AKAP9: variants seen among roughly 807,000 people sequenced by gnomAD.
AKAP9 encodes the protein A-kinase anchoring protein 9, also known as A-kinase anchor protein 9.
A neutral mutation model predicts 488.5 loss-of-function variants in AKAP9; 311 were observed. The observed-to-expected ratio is 0.64, with a 90% confidence interval of 0.58 to 0.70. The LOEUF (loss-of-function observed/expected upper bound fraction) is 0.70. Among genes scored for constraint, AKAP9 ranks in the 30% least tolerant of loss-of-function variants. AKAP9 has a pLI of 0.00. For synonymous variants in AKAP9, 1,462 were observed against 1,483.5 expected, an observed-to-expected ratio of 0.99 and a Z score of 0.33; for missense variants, 4,215 against 4,374.5, an observed-to-expected ratio of 0.96 and a Z score of 1.03.
intron 46 of AKAP9, among the ~76,000 whole-genome samples, chr7:92,104,072 C>G (rs1818092573): frequency 6.6e-6 from 1 of 152,162 alleles, no homozygotes; most frequent in Admixed American, 6.5e-5. Flanking sequence ...CATACAAACA[C>G]CAAGGCTTCT....
At chr7:92,048,034 T>C (rs1023125519) in intron 21 of AKAP9, among the ~76,000 whole-genome samples, 29 of 152,258 alleles carry the variant, frequency 1.9e-4, no homozygotes, top group African/African-American at 6.7e-4. Context: ...AAATTTTTAA[T>C]TTTTATATAA....
intron 1 of AKAP9, among the ~76,000 whole-genome samples, chr7:91,956,399 CAAA>C (rs554292233): frequency 2.6e-4 from 28 of 108,144 alleles, no homozygotes; most frequent in African/African-American, 8.6e-4. Context: ...GACTCTGTCT[CAAA>C]AAAAAAAAAA....
intron 1 of AKAP9, 89 bp from the exon 2 acceptor site, chr7:91,973,622 T>G: frequency 7.2e-7 from 1 of 1,386,742 alleles, no homozygotes; most frequent in Middle Eastern, 2.3e-4. Context: ...GTTTGATCTT[T>G]AAAAGAGAGA....
At chr7:92,016,005 A>G (rs1188943542) in intron 10 of AKAP9, 124 bp from the exon 11 acceptor site, 1 of 716,282 alleles carries the variant, frequency 1.4e-6, no homozygotes, top group Non-Finnish European at 2.4e-6. Flanking sequence ...TATGGAGAGA[A>G]TGTTTTCTTA....
chr7:92,052,971 T>C lies in AKAP9; in HGVS notation c.5601+13T>C, dbSNP rs1402715562. On this transcript the variant is annotated intron_variant, in intron 22 of 49. Coordinates refer to ENST00000356239, the MANE Select transcript of AKAP9 (RefSeq NM_005751.5). ...AACTAGCAGTCAGGTAACCTCCTTA[T>C]ATTGCTAATATGTACTGAGTTTGAA... The C allele has an allele frequency of 3.2e-6, 5 of 1,578,230 alleles. No individual in the cohort carries two copies. Among genetic ancestry groups the C allele is most frequent in the Admixed American group, 1.7e-5 (1 of 59,924 alleles).
At chr7:92,031,312 A>G (rs1410367898) in intron 15 of AKAP9, among the ~76,000 whole-genome samples, 200 bp from the exon 16 acceptor site, 1 of 152,176 alleles carries the variant, frequency 6.6e-6, no homozygotes, top group Non-Finnish European at 1.5e-5. Context: ...CTTTAAGTTC[A>G]CGGTAGTGAG....
rs1052954711 is a variant in AKAP9 at position 92,082,716 on chromosome 7, G to A, written c.8160+54G>A. ...ACTCATTTCTACCTATCTTAATTACGTTTCAAAGTATATACTCTTTTATAA... is the reference window on the plus strand; with the variant it reads ...ACTCATTTCTACCTATCTTAATTACATTTCAAAGTATATACTCTTTTATAA... On this transcript the variant is annotated intron_variant, in intron 32 of 49. Transcript: ENST00000356239. 2.6e-5 allele frequency: 41 copies of A among 1,581,476 alleles called. No individual in the cohort carries two copies. The South Asian group carries it at 3.0e-4, about 12-fold the overall frequency.
chr7:92,041,102 C>G, intron 18 of AKAP9: 1 of 525,286 alleles, frequency 1.9e-6, no homozygotes, highest in Non-Finnish European at 3.4e-6. Flanking sequence ...TTGTTAGGGA[C>G]ACCTATCTCA....
intron 22 of AKAP9, among the ~76,000 whole-genome samples, chr7:92,054,299 A>G (rs1175983216): frequency 1.3e-5 from 2 of 152,138 alleles, no homozygotes; most frequent in Admixed American, 6.6e-5. Flanking sequence ...TTCCTCTTCA[A>G]TGTGTCATTA....
In AKAP9 at chr7:92,029,911, G is replaced by A. The variant is rs766657255; in HGVS notation, c.4165G>A (p.Val1389Met). The A allele has an allele frequency of 6.2e-7, 1 of 1,612,562 alleles. No homozygotes were observed. Among genetic ancestry groups the A allele is most frequent in the African/African-American group, 1.3e-5 (1 of 74,942 alleles). Residue 1389 changes from valine to methionine, a missense_variant, in exon 15 of 50, where the codon GTG becomes ATG. Val to Met is a conservative substitution (Grantham distance 21, BLOSUM62 1). Transcript: ENST00000356239. ...TATATTCAGCTTACCTGTTGATTCG[G>A]TGGTAATTACAGAATCTGATGCACA... ...TVPPSLPVDS[V>M]VITESDAQRT... is the part of the protein sequence containing the mutation.
At chr7:92,083,069 G>T in intron 32 of AKAP9, 101 bp from the exon 33 acceptor site, 1 of 1,375,732 alleles carries the variant, frequency 7.3e-7, no homozygotes, top group Non-Finnish European at 1.0e-6. Context: ...GAAAATGAAC[G>T]TATAATCATG....
rs189621256 is a variant in AKAP9, at chr7:92,025,972, A to G, written c.4148+2963A>G. ...AACTAAAATGCTGGAATTTAAACCC[A>G]TGTCTTTGTGGCGTTTTTCACTGCA... On this transcript the variant is annotated intron_variant, in intron 14 of 49. Coordinates refer to ENST00000356239, the MANE Select transcript of AKAP9 (RefSeq NM_005751.5). 2.9e-3 allele frequency among the ~76,000 whole-genome samples: 447 copies of G among 152,340 alleles called. 4 individuals are homozygous for G. The highest frequency in any genetic ancestry group is 5.2e-3 in the Non-Finnish European group (351 of 68,024).
intron 30 of AKAP9, 28 bp from the exon 31 acceptor site, chr7:92,079,051 G>A (rs907642939): frequency 8.6e-5 from 125 of 1,453,776 alleles, no homozygotes; most frequent in Non-Finnish European, 1.1e-4. Flanking sequence ...TATATATTAT[G>A]TATGTTACCT....
chr7:91,945,911 C>G (rs1486432913), intron 1 of AKAP9, among the ~76,000 whole-genome samples: 1 of 152,072 alleles, frequency 6.6e-6, no homozygotes, highest in Non-Finnish European at 1.5e-5. Flanking sequence ...AAAATTATTA[C>G]TCATGTAAAT....
chr7:91,969,405 T>A (rs182258361), intron 1 of AKAP9, among the ~76,000 whole-genome samples: 1 of 152,338 alleles, frequency 6.6e-6, no homozygotes, highest in Non-Finnish European at 1.5e-5. Context: ...TGAAATGTTC[T>A]GTAGATGTCA....
chr7:92,053,152 A>G (rs1042062988), intron 22 of AKAP9, among the ~76,000 whole-genome samples, 194 bp downstream of exon 22: 3 of 152,198 alleles, frequency 2.0e-5, no homozygotes, highest in Non-Finnish European at 4.4e-5. Context: ...CTGAATTCCT[A>G]CATGATCCTG....
chr7:92,002,970 C>T lies in AKAP9; in HGVS notation c.3053C>T (p.Ser1018Phe), dbSNP rs1416915671. 1 of 1,613,292 alleles carries T rather than the reference C, an allele frequency of 6.2e-7. No homozygotes were observed. The highest frequency in any genetic ancestry group is 8.5e-7 in the Non-Finnish European group (1 of 1,179,574). The change falls in exon 8 of 50, where the codon TCT becomes TTT. Residue 1018 changes from serine to phenylalanine, a missense_variant. Ser to Phe is a radical substitution (Grantham distance 155). This residue lies in a region of AKAP9 where 2,361 missense variants were observed against 2,430.0 expected (regional missense o/e 0.97). Transcript: ENST00000356239. ...NVQSCDTQVS[S>F]LLDGVVTMTS... is the part of the protein sequence containing the mutation. ...CAGTCATGTGATACTCAAGTAAGCT[C>T]TTTATTAGATGGAGTTGTGACCATG...
intron 1 of AKAP9, among the ~76,000 whole-genome samples, chr7:91,946,547 AT>A (rs1339331945): frequency 2.0e-5 from 3 of 151,906 alleles, no homozygotes; most frequent in African/African-American, 7.3e-5. Flanking sequence ...AATTGTTAAA[AT>A]TTTTTTGTAG....
intron 7 of AKAP9, among the ~76,000 whole-genome samples, chr7:91,997,684 T>A (rs377472388): frequency 6.6e-6 from 1 of 152,298 alleles, no homozygotes; most frequent in East Asian, 1.9e-4. Context: ...GGGAGGATAA[T>A]CTAGGACTAG....
Sources: gnomAD v4.1 joint callset for allele counts (sites outside exome capture counted in the v4.1 genomes callset) on GRCh38, gnomAD v4.1.1 for gene constraint, gnomAD v4.1.1 regional missense constraint, MANE v1.5 for transcripts, NCBI Gene and HGNC (gene_info 2026-07-23, HGNC 2026-07-21) for gene names.